The following KALRN variants were observed in gnomAD, a reference collection of about 807,000 sequenced individuals.
KALRN encodes the protein kalirin RhoGEF kinase, also known as kalirin.
In KALRN, 70 loss-of-function variants were observed where a neutral mutation model predicts 353.7. That is an observed-to-expected ratio of 0.20 (90% CI 0.16 to 0.24). The LOEUF (loss-of-function observed/expected upper bound fraction) is 0.24, where lower values mean the gene tolerates loss of function less well. KALRN is among the 10% of genes least tolerant of loss of function. The probability of loss-of-function intolerance (pLI) is 1.00; values close to 1 mark genes in which losing one functional copy is unlikely to be tolerated. For missense variants in KALRN, 2,791 were observed against 3,756.7 expected (o/e 0.74, Z 6.72); for synonymous variants, 1,391 against 1,434.8 (o/e 0.97, Z 0.69).
At chr3:124,612,568 C>T (rs886850905) in intron 34 of KALRN, among the ~76,000 whole-genome samples, 1 of 152,192 alleles carries the variant, frequency 6.6e-6, no homozygotes, top group Non-Finnish European at 1.5e-5. Flanking sequence ...AACTCCTCAC[C>T]TCAGGTGATC....
chr3:124,306,846 T>C (rs1323348681), intron 6 of KALRN, among the ~76,000 whole-genome samples: 1 of 152,092 alleles, frequency 6.6e-6, no homozygotes, highest in African/African-American at 2.4e-5. Flanking sequence ...GGACAACATA[T>C]TAAAAAGTGC....
At chr3:124,105,909 CAG>C (rs1415054798) in intron 1 of KALRN, among the ~76,000 whole-genome samples, 9 of 152,130 alleles carry the variant, frequency 5.9e-5, no homozygotes, top group Admixed American at 1.3e-4. Flanking sequence ...AGATGACAAA[CAG>C]AAATGAATTT....
intron 23 of KALRN, among the ~76,000 whole-genome samples, chr3:124,461,154 G>A (rs1420603419): frequency 1.3e-5 from 2 of 152,044 alleles, no homozygotes; most frequent in African/African-American, 4.8e-5. Context: ...ATAATTGGAA[G>A]AATTATCAAA....
At chr3:124,412,685 A>G (rs1210834925) in intron 13 of KALRN, among the ~76,000 whole-genome samples, 1 of 152,232 alleles carries the variant, frequency 6.6e-6, no homozygotes, top group Non-Finnish European at 1.5e-5. Flanking sequence ...TATTAAGGCA[A>G]TGTTTGCATT....
At position 124,671,789 on chromosome 3, in the gene KALRN, C is replaced by T. The variant is rs746980775; in HGVS notation, c.6833C>T (p.Pro2278Leu). 43 of 1,614,076 alleles carry T rather than the reference C, an allele frequency of 2.7e-5. No individual in the cohort carries two copies. Among genetic ancestry groups the T allele is most frequent in the Non-Finnish European group, 3.6e-5 (42 of 1,180,014 alleles). Residue 2278 changes from proline to leucine, a missense_variant, in exon 48 of 60, where the codon CCA becomes CTA. By Grantham distance (98) the Pro-to-Leu change is moderately conservative (BLOSUM62 -3). Coordinates refer to ENST00000682506, the MANE Select transcript of KALRN (RefSeq NM_001388419.1). The part of the protein sequence containing the change: ...SSVPAGSEKP[P>L]KGSSYNPPLP... Reference sequence around the variant, plus strand: ...GTTCCTGCGGGCTCAGAGAAGCCCCCAAAGGGCTCCAGCTATAACCCACCT... The same window carrying T: ...GTTCCTGCGGGCTCAGAGAAGCCCCTAAAGGGCTCCAGCTATAACCCACCT...
chr3:124,221,779 A>G (rs138304026), intron 1 of KALRN, among the ~76,000 whole-genome samples: 1 of 152,280 alleles, frequency 6.6e-6, no homozygotes, highest in Non-Finnish European at 1.5e-5. Flanking sequence ...TTTTATCAGA[A>G]TCTCAGAGTC....
chr3:124,259,780 A>T (rs111301263), intron 3 of KALRN, among the ~76,000 whole-genome samples: 21 of 152,342 alleles, frequency 1.4e-4, no homozygotes, highest in African/African-American at 4.3e-4. Flanking sequence ...TATTATCCAG[A>T]TGGTAATAAG....
intron 33 of KALRN, chr3:124,518,852 A>G (rs755045675): frequency 9.5e-7 from 1 of 1,057,388 alleles, no homozygotes; most frequent in African/African-American, 1.7e-5. Context: ...AATTAGAGGG[A>G]CACACTTATC....
intron 5 of KALRN, among the ~76,000 whole-genome samples, chr3:124,276,208 T>A (rs542583909): frequency 6.6e-6 from 1 of 151,806 alleles, no homozygotes; most frequent in East Asian, 1.9e-4. Flanking sequence ...TTAATCACCA[T>A]GAGAAAATCT....
At chr3:124,481,804 G>A (rs1326794379) in intron 27 of KALRN, among the ~76,000 whole-genome samples, 1 of 152,130 alleles carries the variant, frequency 6.6e-6, no homozygotes, top group African/African-American at 2.4e-5. Context: ...TTAGCCCCAG[G>A]TGAGGTTGAG....
chr3:124,256,735 G>A (rs1245022467), intron 3 of KALRN, among the ~76,000 whole-genome samples: 4 of 152,194 alleles, frequency 2.6e-5, no homozygotes, highest in Non-Finnish European at 2.9e-5. Context: ...TGGGCATCAG[G>A]TGTGGGCAGG....
At chr3:124,185,357 C>T (rs886566942) in intron 1 of KALRN, among the ~76,000 whole-genome samples, 9 of 152,200 alleles carry the variant, frequency 5.9e-5, no homozygotes, top group Non-Finnish European at 2.9e-5. Flanking sequence ...TGTCAAGCTT[C>T]GGGCCAAAGC....
chr3:124,339,133 A>G (rs968529296), intron 9 of KALRN, among the ~76,000 whole-genome samples: 1 of 152,212 alleles, frequency 6.6e-6, no homozygotes, highest in African/African-American at 2.4e-5. Context: ...TTAGTGTTAA[A>G]AAGTATAGTG....
chr3:124,046,324 G>T (rs1471688367), intron 1 of KALRN, among the ~76,000 whole-genome samples: 1 of 152,164 alleles, frequency 6.6e-6, no homozygotes, highest in Non-Finnish European at 1.5e-5. Context: ...GGGCAAAGAG[G>T]TTATCTCTGG....
chr3:124,094,745 C>A, intron 1 of KALRN: 1 of 1,058,760 alleles, frequency 9.4e-7, no homozygotes, highest in South Asian at 1.3e-5. Flanking sequence ...GTGTGCGAGC[C>A]CAGCGTCAAG....
intron 33 of KALRN, among the ~76,000 whole-genome samples, chr3:124,553,031 G>A (rs1043686785): frequency 2.6e-5 from 4 of 152,194 alleles, no homozygotes; most frequent in African/African-American, 7.2e-5. Context: ...CTCCTGATGT[G>A]CTAGGATTAC....
intron 5 of KALRN, among the ~76,000 whole-genome samples, chr3:124,296,542 C>A (rs2076863924): frequency 6.6e-6 from 1 of 152,180 alleles, no homozygotes; most frequent in African/African-American, 2.4e-5. Flanking sequence ...TTTTCTCTTC[C>A]CTTCCAGTCC....
At chr3:124,131,409 C>T (rs2065261377) in intron 1 of KALRN, among the ~76,000 whole-genome samples, 2 of 152,140 alleles carry the variant, frequency 1.3e-5, no homozygotes, top group Admixed American at 1.3e-4. Flanking sequence ...CTACCTTTGA[C>T]CCATGGGGTC....
intron 6 of KALRN, among the ~76,000 whole-genome samples, chr3:124,299,411 G>A (rs1344954598): frequency 6.6e-6 from 1 of 152,160 alleles, no homozygotes; most frequent in Non-Finnish European, 1.5e-5. Context: ...ATTGCTTTAT[G>A]TTTGTTTAGA....
Sources: allele counts gnomAD v4.1 joint callset (sites outside exome capture counted in the v4.1 genomes callset), GRCh38; gene constraint gnomAD v4.1.1; transcripts MANE v1.5; gene names NCBI Gene and HGNC (gene_info 2026-07-23, HGNC 2026-07-21).